WIPI1: variants seen among roughly 807,000 people sequenced by gnomAD.
The protein encoded by WIPI1 is WD repeat domain, phosphoinositide interacting 1, also known as WD repeat domain phosphoinositide-interacting protein 1.
In WIPI1, 45 loss-of-function variants were observed where a neutral mutation model predicts 55.3. That is an observed-to-expected ratio of 0.81 (90% confidence interval 0.64 to 1.04). The LOEUF (loss-of-function observed/expected upper bound fraction) is 1.04. Ranked by LOEUF, WIPI1 falls within the 50% of genes least tolerant of loss-of-function variation. WIPI1 has a pLI of 0.00. For missense variants in WIPI1, 445 were observed against 559.0 expected, an observed-to-expected ratio of 0.80 and a Z score of 2.06; for synonymous variants, 195 against 217.6, an observed-to-expected ratio of 0.90 and a Z score of 0.92.
chr17:68,432,624 C>A (rs980833324), intron 8 of WIPI1, among the ~76,000 whole-genome samples: 1 of 151,998 alleles, frequency 6.6e-6, no homozygotes, highest in Non-Finnish European at 1.5e-5. Flanking sequence ...GCCTCTGTTA[C>A]GTATGTGTTA....
chr17:68,429,317 G>A (rs905612397), intron 9 of WIPI1, among the ~76,000 whole-genome samples: 10 of 152,160 alleles, frequency 6.6e-5, no homozygotes, highest in Admixed American at 5.9e-4. Context: ...TTGCTGGTTA[G>A]TTTTGTGAAA....
At chr17:68,451,656 C>G (rs187187399) in intron 2 of WIPI1, among the ~76,000 whole-genome samples, 40 of 152,310 alleles carry the variant, frequency 2.6e-4, no homozygotes, top group Admixed American at 7.8e-4. Flanking sequence ...CTTCAGAATT[C>G]TTCTTGTCCT....
intron 12 of WIPI1, chr17:68,424,423 A>G (rs747472544): frequency 1.9e-6 from 1 of 534,560 alleles, no homozygotes; most frequent in African/African-American, 1.9e-5. Flanking sequence ...GGGAGAAAGA[A>G]GCCAGACCTG....
intron 11 of WIPI1, among the ~76,000 whole-genome samples, chr17:68,426,882 A>G (rs557188186): frequency 1.8e-4 from 28 of 152,346 alleles, no homozygotes; most frequent in African/African-American, 6.7e-4. Flanking sequence ...CTTGTTAGGA[A>G]AAAGACCGTA....
In WIPI1 at chr17:68,452,899, C is replaced by T; in HGVS notation, c.163+11G>A. 6.2e-7 allele frequency: 1 copy of T among 1,613,052 alleles called. No homozygotes were observed. The highest frequency in any genetic ancestry group is 8.5e-7 in the Non-Finnish European group (1 of 1,179,622). Reference sequence around the variant, plus strand: ...CTGCAGATCCCTGAGGTCTCTCTCACACACACTTACTGCTTCCGTGGACTT... The same window carrying T: ...CTGCAGATCCCTGAGGTCTCTCTCATACACACTTACTGCTTCCGTGGACTT... On this transcript the variant is annotated intron_variant, in intron 2 of 12. Transcript: ENST00000262139.
chr17:68,432,816 G>C (rs1006235706), intron 8 of WIPI1, among the ~76,000 whole-genome samples: 1 of 152,170 alleles, frequency 6.6e-6, no homozygotes, highest in Non-Finnish European at 1.5e-5. Flanking sequence ...CCCCCACCGT[G>C]GGGTATGAAA....
chr17:68,450,985 C>A, intron 2 of WIPI1, 88 bp from the exon 3 acceptor site: 1 of 1,503,436 alleles, frequency 6.7e-7, no homozygotes, highest in East Asian at 2.4e-5. Flanking sequence ...CGGCGCAGGC[C>A]AGGTTCCAAA....
intron 3 of WIPI1, among the ~76,000 whole-genome samples, chr17:68,445,277 C>T (rs933523177): frequency 3.3e-5 from 5 of 152,170 alleles, no homozygotes; most frequent in Non-Finnish European, 7.3e-5. Flanking sequence ...ATTTCATGTG[C>T]CTTCTGTAGT....
At chr17:68,429,683 G>A (rs1027447963) in intron 9 of WIPI1, among the ~76,000 whole-genome samples, 8 of 152,056 alleles carry the variant, frequency 5.3e-5, no homozygotes, top group African/African-American at 1.9e-4. Flanking sequence ...CCGCCTCCTG[G>A]GTTCAAGCGA....
intron 3 of WIPI1, among the ~76,000 whole-genome samples, chr17:68,449,278 AGCACT>A (rs1182991503): frequency 6.6e-6 from 1 of 152,222 alleles, no homozygotes; most frequent in Non-Finnish European, 1.5e-5. Flanking sequence ...GTATCTACCA[AGCACT>A]GCCTTTTCTA....
chr17:68,426,243 G>C, intron 11 of WIPI1, 68 bp from the exon 12 acceptor site: 4 of 935,352 alleles, frequency 4.3e-6, no homozygotes, highest in Non-Finnish European at 3.2e-6. Context: ...CCTGGCGGGT[G>C]GGGAGCGGGG....
Position 68,437,010 on chromosome 17 carries a change from A to ATGTGTG in WIPI1, c.431-532_431-531insCACACA, listed in dbSNP as rs758693659. 6.6e-3 allele frequency among the ~76,000 whole-genome samples: 512 copies of ATGTGTG among 77,936 alleles called. 2 individuals are homozygous for ATGTGTG. Among genetic ancestry groups the ATGTGTG allele is most frequent in the East Asian group, 0.022 (90 of 4,094 alleles). 51.1% of individuals were successfully genotyped at this position (77,936 alleles called of 152,430 possible). A position where few individuals can be genotyped will look rare whatever the true frequency, so the allele number is the denominator to read the frequency against. The stretch of plus-strand genomic sequence containing the variant: ...CCCCGTCTCAAAAAAAAAAAAATAT[A>ATGTGTG]TATATATGTGTGTGTGTGTGTGTGT... On this transcript the variant is annotated intron_variant, in intron 4 of 12. Coordinates refer to ENST00000262139, the MANE Select transcript of WIPI1 (RefSeq NM_017983.7).
Position 68,457,477 on chromosome 17 carries a change from C to G in WIPI1, c.-56G>C. The G allele has an allele frequency of 3.7e-6, 5 of 1,354,604 alleles. No homozygotes were observed. Among genetic ancestry groups the G allele is most frequent in the Non-Finnish European group, 3.8e-6 (4 of 1,052,230 alleles). 83.9% of individuals were successfully genotyped at this position (1,354,604 alleles called of 1,614,324 possible). On this transcript the variant is annotated 5_prime_UTR_variant, in exon 1 of 13. Coordinates refer to ENST00000262139, the MANE Select transcript of WIPI1 (RefSeq NM_017983.7). Reference sequence around the variant, plus strand: ...GAGCCGGCGACAGCCACCTCAGCAGCCCGCCCGCGCCGGCTCCACGGGCCG... The same window carrying G: ...GAGCCGGCGACAGCCACCTCAGCAGGCCGCCCGCGCCGGCTCCACGGGCCG...
chr17:68,435,309 A>T (rs1302683751), intron 6 of WIPI1, among the ~76,000 whole-genome samples: 1 of 152,084 alleles, frequency 6.6e-6, no homozygotes, highest in African/African-American at 2.4e-5. Context: ...TTTGCACTGT[A>T]CTGTGTTTAT....
intron 12 of WIPI1, among the ~76,000 whole-genome samples, chr17:68,425,549 G>A (rs1417170122): frequency 6.6e-6 from 1 of 151,994 alleles, no homozygotes; most frequent in Non-Finnish European, 1.5e-5. Flanking sequence ...GTCTGCAACT[G>A]CTGGGGAGGT....
intron 9 of WIPI1, among the ~76,000 whole-genome samples, chr17:68,429,301 C>T (rs2083404407): frequency 6.6e-6 from 1 of 152,212 alleles, no homozygotes; most frequent in African/African-American, 2.4e-5. Context: ...GATTGGCTTA[C>T]TGTCTTTGCT....
rs1051113724 is a variant in WIPI1 at position 68,423,137 on chromosome 17, C to G, written c.1294-1317G>C. On this transcript the variant is annotated intron_variant, in intron 12 of 12. Coordinates refer to ENST00000262139, the MANE Select transcript of WIPI1 (RefSeq NM_017983.7). This position sits in a 1 kb window ranked among gnomAD's most constrained non-coding sequence, Gnocchi z 4.4. ...GGCGATTTTAACCAAGCTGAGACTC[C>G]AAGAGCCTTTTGTGGTCCTAGAAGA... Among the ~76,000 whole-genome samples the G allele has an allele frequency of 6.6e-5, 10 of 152,164 alleles. No homozygotes were observed. Among genetic ancestry groups the G allele is most frequent in the African/African-American group, 2.4e-4 (10 of 41,448 alleles).
chr17:68,454,569 A>T (rs2084599586), intron 1 of WIPI1, among the ~76,000 whole-genome samples: 1 of 152,256 alleles, frequency 6.6e-6, no homozygotes, highest in African/African-American at 2.4e-5. Context: ...GCAGCTGTGC[A>T]CTTAGAACTG....
intron 4 of WIPI1, among the ~76,000 whole-genome samples, chr17:68,441,350 CTAATTTACT>C (rs2084068502): frequency 6.6e-6 from 1 of 152,202 alleles, no homozygotes; most frequent in Non-Finnish European, 1.5e-5. Flanking sequence ...CTCTGTATAG[CTAATTTACT>C]TGTAGTTTAT....
Sources: gnomAD v4.1 joint callset for allele counts (sites outside exome capture counted in the v4.1 genomes callset) on GRCh38, gnomAD v4.1.1 for gene constraint, Gnocchi (gnomAD v3.1) non-coding constraint, MANE v1.5 for transcripts, NCBI Gene and HGNC (gene_info 2026-07-23, HGNC 2026-07-21) for gene names.